The following TANC2 variants were observed in gnomAD, a reference collection of about 807,000 sequenced individuals.
The protein encoded by TANC2 is tetratricopeptide repeat, ankyrin repeat and coiled-coil containing 2, also known as protein TANC2.
TANC2 carries 26 observed loss-of-function variants against 210.5 expected under a neutral mutation model. The observed-to-expected ratio is 0.12, with a 90% CI of 0.09 to 0.17. The LOEUF is 0.17. Ranked by LOEUF, TANC2 falls within the 10% of genes least tolerant of loss-of-function variation. The pLI, the probability that TANC2 is intolerant of heterozygous loss-of-function variation, is 1.00. For synonymous variants in TANC2, 931 were observed against 967.1 expected, an observed-to-expected ratio of 0.96 and a Z score of 0.69; for missense variants, 2,129 against 2,608.9, an observed-to-expected ratio of 0.82 and a Z score of 4.01.
rs184621590 is a variant in TANC2 at position 63,111,609 on chromosome 17, C to G, written c.322+12252C>G. On this transcript the variant is annotated intron_variant, in intron 4 of 27. Transcript: ENST00000689528. ...CTACTCTTCATCTTTGATTATTTCC[C>G]CCTCTCTTTGTATATTTCTTTTTCA... Among the ~76,000 whole-genome samples the G allele has an allele frequency of 2.0e-5, 3 of 152,110 alleles. No homozygotes were observed. In the East Asian group the frequency reaches 5.8e-4, roughly 29 times the overall value.
chr17:63,218,347 A>C (rs2042078398), intron 7 of TANC2, among the ~76,000 whole-genome samples: 1 of 152,206 alleles, frequency 6.6e-6, no homozygotes, highest in Admixed American at 6.5e-5. Flanking sequence ...AGGGTAACTG[A>C]AAAACCTACA....
intron 2 of TANC2, among the ~76,000 whole-genome samples, chr17:63,066,576 G>A (rs2036205902): frequency 6.6e-6 from 1 of 152,090 alleles, no homozygotes; most frequent in Non-Finnish European, 1.5e-5. Context: ...TATGCCAAAT[G>A]CTCACCACCC....
intron 1 of TANC2, among the ~76,000 whole-genome samples, chr17:63,008,731 G>C (rs991056042): frequency 7.9e-5 from 12 of 152,020 alleles, no homozygotes; most frequent in African/African-American, 2.9e-4. Context: ...TTTGGTAGGA[G>C]TGGGACATGG....
chr17:63,206,683 G>A (rs1043408175), intron 7 of TANC2, among the ~76,000 whole-genome samples: 3 of 152,130 alleles, frequency 2.0e-5, no homozygotes, highest in Non-Finnish European at 2.9e-5. Flanking sequence ...AGAATAGAGA[G>A]TACTGAGTGG....
chr17:63,399,321 T>C (rs1391544659), intron 19 of TANC2: 1 of 153,076 alleles, frequency 6.5e-6, no homozygotes, highest in South Asian at 2.1e-4. Context: ...AACCAGGATG[T>C]TAAATTTTCA....
intron 4 of TANC2, among the ~76,000 whole-genome samples, chr17:63,138,520 G>A (rs1043822697): frequency 1.3e-5 from 2 of 151,978 alleles, no homozygotes; most frequent in Admixed American, 1.3e-4. Flanking sequence ...CTGCTTGGAC[G>A]GTTGTTGGAA....
intron 7 of TANC2, among the ~76,000 whole-genome samples, chr17:63,218,013 G>A (rs1218619708): frequency 2.0e-5 from 3 of 152,134 alleles, no homozygotes; most frequent in African/African-American, 7.2e-5. Context: ...GGTTAGGCAC[G>A]GTGGCTCACG....
chr17:63,411,239 G>C (rs1162665256), intron 21 of TANC2, among the ~76,000 whole-genome samples: 8 of 152,022 alleles, frequency 5.3e-5, no homozygotes, highest in Admixed American at 5.3e-4. Context: ...ATTCTCACAG[G>C]GGAATAATAA....
chr17:63,369,961 G>A (rs540458258), intron 14 of TANC2, among the ~76,000 whole-genome samples: 4 of 151,994 alleles, frequency 2.6e-5, no homozygotes, highest in East Asian at 3.9e-4. Flanking sequence ...AAGACCAAGC[G>A]CTTTTGAGTA....
chr17:62,983,661 GT>G (rs529270407), intron 1 of TANC2, among the ~76,000 whole-genome samples: 2 of 152,018 alleles, frequency 1.3e-5, no homozygotes, highest in Non-Finnish European at 2.9e-5. Context: ...TTTATTGACA[GT>G]TTTTTTATCA....
chr17:63,011,119 G>A (rs768483076), intron 2 of TANC2, among the ~76,000 whole-genome samples: 3 of 152,052 alleles, frequency 2.0e-5, no homozygotes, highest in Non-Finnish European at 2.9e-5. Flanking sequence ...CCTATCATTC[G>A]TCTCGTTAGC....
intron 4 of TANC2, among the ~76,000 whole-genome samples, chr17:63,129,514 T>G (rs190255705): frequency 6.6e-6 from 1 of 152,260 alleles, no homozygotes; most frequent in Admixed American, 6.5e-5. Context: ...GGTCAGGAGT[T>G]TAAGACCAGC....
At chr17:63,403,270 A>C (rs1338850647) in intron 19 of TANC2, among the ~76,000 whole-genome samples, 1 of 152,208 alleles carries the variant, frequency 6.6e-6, no homozygotes, top group South Asian at 2.1e-4. Context: ...GTGAAAAATA[A>C]TGTATTTGGC....
chr17:63,186,248 T>C (rs1241368499), intron 5 of TANC2, among the ~76,000 whole-genome samples: 1 of 152,142 alleles, frequency 6.6e-6, no homozygotes, highest in Non-Finnish European at 1.5e-5. Flanking sequence ...TAAACTCTGT[T>C]CCATTGACCA....
At chr17:63,281,194 G>A (rs970394249) in intron 9 of TANC2, among the ~76,000 whole-genome samples, 1 of 152,122 alleles carries the variant, frequency 6.6e-6, no homozygotes, top group African/African-American at 2.4e-5. Context: ...GGACAAACTT[G>A]TATTTTCAAG....
intron 1 of TANC2, among the ~76,000 whole-genome samples, chr17:62,988,317 T>TTTA (rs1555744001): frequency 1.3e-4 from 20 of 149,944 alleles, no homozygotes; most frequent in African/African-American, 4.4e-4. Flanking sequence ...TTTTTTTTTT[T>TTTA]AGTAGAGATG....
intron 9 of TANC2, among the ~76,000 whole-genome samples, chr17:63,277,060 C>T (rs1017651650): frequency 1.3e-5 from 2 of 152,136 alleles, no homozygotes; most frequent in South Asian, 2.1e-4. Flanking sequence ...AAACCAGCTT[C>T]GACTCCTCTC....
intron 1 of TANC2, among the ~76,000 whole-genome samples, chr17:62,970,269 A>G (rs1387781294): frequency 6.6e-6 from 1 of 152,202 alleles, no homozygotes; most frequent in Non-Finnish European, 1.5e-5. Flanking sequence ...CTTATTCAGC[A>G]TATATGCTTA....
chr17:63,246,045 T>G (rs952284285), intron 8 of TANC2, among the ~76,000 whole-genome samples: 6 of 151,712 alleles, frequency 4.0e-5, no homozygotes, highest in Admixed American at 3.9e-4. Flanking sequence ...TGTAGGCCTG[T>G]TGTCTCTGCA....
Sources: gnomAD v4.1 joint callset for allele counts (sites outside exome capture counted in the v4.1 genomes callset) on GRCh38, gnomAD v4.1.1 for gene constraint, MANE v1.5 for transcripts, NCBI Gene and HGNC (gene_info 2026-07-23, HGNC 2026-07-21) for gene names.